Variants in UCKL1 observed in about 807,000 individuals in gnomAD.
UCKL1 encodes the protein uridine-cytidine kinase-like 1.
Under a neutral mutation model 59.2 loss-of-function variants are expected in UCKL1, and 65 were observed. That is an observed-to-expected ratio of 1.10 (90% CI 0.90 to 1.35). The LOEUF (loss-of-function observed/expected upper bound fraction) is 1.35. Ranked by LOEUF, UCKL1 falls within the 40% of genes most tolerant of loss-of-function variation. UCKL1 has a pLI of 0.00. For synonymous variants in UCKL1, 410 were observed against 323.1 expected (o/e 1.27, Z -2.88); for missense variants, 703 against 784.3 (o/e 0.90, Z 1.24).
intron 8 of UCKL1, 121 bp from the exon 9 acceptor site, chr20:63,941,329 C>T (rs2054332719): frequency 1.4e-6 from 2 of 1,409,326 alleles, no homozygotes; most frequent in Non-Finnish European, 1.9e-6. Flanking sequence ...GCACGAGGTG[C>T]AGAGCGGGCC....
At chr20:63,951,360 C>T (rs2057558932) in intron 1 of UCKL1, among the ~76,000 whole-genome samples, 1 of 152,156 alleles carries the variant, frequency 6.6e-6, no homozygotes, top group South Asian at 2.1e-4. Flanking sequence ...CGTGTGCCTG[C>T]ACCCCTCCTG....
Position 63,944,472 on chromosome 20 carries a change from G to C in UCKL1, c.845-14C>G, listed in dbSNP as rs777617211. The C allele has an allele frequency of 3.8e-6, 6 of 1,577,272 alleles. No individual in the cohort carries two copies. Among genetic ancestry groups the C allele is most frequent in the Admixed American group, 3.6e-5 (2 of 55,456 alleles). ...TGTTGCCGCTCCCTGGGGCGGGATG[G>C]GGGGGCGGGTGACCGGGGGCTGGGC... On this transcript the variant is annotated splice_polypyrimidine_tract_variant and intron_variant, in intron 6 of 14. Coordinates refer to ENST00000354216, the MANE Select transcript of UCKL1 (RefSeq NM_017859.4).
intron 8 of UCKL1, chr20:63,941,711 T>TGTCTCTTGGCTGC (rs2054503829): frequency 4.8e-6 from 1 of 209,086 alleles, no homozygotes; most frequent in Admixed American, 5.9e-5. Context: ...CTCTTGGCTG[T>TGTCTCTTGGCTGC]CCCGTCCCGC....
intron 8 of UCKL1, 195 bp from the exon 9 acceptor site, chr20:63,941,403 G>A (rs1209236359): frequency 9.8e-6 from 8 of 814,390 alleles, no homozygotes; most frequent in Non-Finnish European, 1.6e-5. Flanking sequence ...AGGCAAAGGC[G>A]AAAGATGGCG....
At chr20:63,943,056 AC>A (rs1329380318) in intron 8 of UCKL1, among the ~76,000 whole-genome samples, 1 of 151,546 alleles carries the variant, frequency 6.6e-6, no homozygotes, top group Non-Finnish European at 1.5e-5. Flanking sequence ...CTTGTGGCTG[AC>A]CCCCCTGCAT....
At chr20:63,951,034 T>G (rs817313) in intron 1 of UCKL1, 708,853 of 1,237,714 alleles carry the variant, frequency 0.57, 208,792 homozygotes, top group African/African-American at 0.64. Flanking sequence ...CAGAGCCGGG[T>G]GGCTGGGGTG....
chr20:63,941,556 G>C (rs1200317238), intron 8 of UCKL1: 4 of 309,228 alleles, frequency 1.3e-5, no homozygotes, highest in Non-Finnish European at 2.0e-5. Flanking sequence ...GCTGATAGGT[G>C]TCATACCCCA....
chr20:63,941,099 T>C lies in UCKL1; in HGVS notation c.1022+11A>G. The C allele has an allele frequency of 6.3e-7, 1 of 1,599,730 alleles. No individual in the cohort carries two copies. The highest frequency in any genetic ancestry group is 8.5e-7 in the Non-Finnish European group (1 of 1,174,720). On this transcript the variant is annotated intron_variant, in intron 9 of 14. Coordinates refer to ENST00000354216, the MANE Select transcript of UCKL1 (RefSeq NM_017859.4). Reference sequence around the variant, plus strand: ...CGCCCGGGGCCGCCCCGTCCCCAGGTGGGCCCTCACCTGATGATGGTGTGC... The same window carrying C: ...CGCCCGGGGCCGCCCCGTCCCCAGGCGGGCCCTCACCTGATGATGGTGTGC...
In UCKL1 at chr20:63,940,200, G is replaced by A; in HGVS notation, c.1517C>T (p.Thr506Met). The A allele has an allele frequency of 1.2e-6, 2 of 1,612,754 alleles. No homozygotes were observed. Among genetic ancestry groups the A allele is most frequent in the East Asian group, 2.2e-5 (1 of 44,886 alleles). ...GTCATTGACCCGCTTGTCCACCGCC[G>A]TGGTGATGATTCTCACTCGCGGAAA... ...YAFPRVRIIT[T>M]AVDKRVNDLF... is the part of the protein sequence containing the mutation. Residue 506 changes from threonine (T) to methionine (M), a missense_variant, in exon 14 of 15, where the codon ACG becomes ATG. By Grantham distance (81) the Thr-to-Met change is moderately conservative. Transcript: ENST00000354216.
intron 8 of UCKL1, among the ~76,000 whole-genome samples, chr20:63,942,946 T>A (rs2146434254): frequency 6.6e-6 from 1 of 152,264 alleles, no homozygotes; most frequent in Admixed American, 6.5e-5. Context: ...TTCCAACATT[T>A]GGCAAACTCT....
intron 1 of UCKL1, chr20:63,948,523 ACG>A (rs2056853799): frequency 9.1e-6 from 1 of 109,566 alleles, no homozygotes; most frequent in Non-Finnish European, 1.9e-5. Context: ...GAAACGAAGG[ACG>A]CTCACCGCCA....
At chr20:63,948,664 T>TGAGAGGGAGGGGGCGTGTGG (rs2057031447) in intron 1 of UCKL1, among the ~76,000 whole-genome samples, 1 of 72,714 alleles carries the variant, frequency 1.4e-5, no homozygotes, top group African/African-American at 5.6e-5. Context: ...GGGGCGTGTG[T>TGAGAGGGAGGGGGCGTGTGG]GAGAGGGAGG....
In UCKL1 at chr20:63,945,687, C is replaced by T. The variant is rs781568093; in HGVS notation, c.618G>A (p.Glu206=). 6.2e-7 allele frequency: 1 copy of T among 1,613,140 alleles called. No homozygotes were observed. Among genetic ancestry groups the T allele is most frequent in the South Asian group, 1.1e-5 (1 of 91,084 alleles). ...TCTTGTCAGCAAAGGCCATGATGCC[C>T]TCAAAGATGATGACGTTTGCACCAT... The part of the protein sequence containing the change: ...TLYGANVIIF[E]GIMAFADKTL... Residue 206 remains glutamate, a synonymous_variant, in exon 5 of 15, where the codon GAG becomes GAA. Transcript: ENST00000354216.
intron 1 of UCKL1, among the ~76,000 whole-genome samples, chr20:63,949,209 G>A (rs113721452): frequency 2.0e-5 from 3 of 152,192 alleles, no homozygotes; most frequent in Non-Finnish European, 2.9e-5. Flanking sequence ...TCCGGAGATC[G>A]TTCTGGAGCT....
chr20:63,945,455 G>A (rs1327323126), intron 5 of UCKL1, among the ~76,000 whole-genome samples, 196 bp downstream of exon 5: 2 of 152,270 alleles, frequency 1.3e-5, no homozygotes, highest in African/African-American at 4.8e-5. Flanking sequence ...GCCTCAGGCA[G>A]CCACGCTCTG....
chr20:63,951,447 T>G (rs1162481895), intron 1 of UCKL1, among the ~76,000 whole-genome samples: 1 of 152,168 alleles, frequency 6.6e-6, no homozygotes, highest in Admixed American at 6.5e-5. Context: ...GACAAGGATA[T>G]CTGAGGCGCC....
At chr20:63,940,112 T>C (rs769192305) in intron 14 of UCKL1, 38 bp downstream of exon 14, 2 of 1,611,002 alleles carry the variant, frequency 1.2e-6, no homozygotes, top group South Asian at 1.1e-5. Flanking sequence ...CCACCCACCC[T>C]GCCCTCATGT....
Position 63,944,582 on chromosome 20 carries a change from C to T in UCKL1, c.807G>A (p.Gln269=). Residue 269 remains glutamine, a synonymous_variant, in exon 6 of 15, where the codon CAG becomes CAA. Coordinates refer to ENST00000354216, the MANE Select transcript of UCKL1 (RefSeq NM_017859.4). ...FVKPSFDQYI[Q]PTMRLADIVV... ...CGATGTCTGCCAGGCGCATGGTGGG[C>T]TGGATGTACTGGTCGAAGGAGGGCT... 6.2e-7 allele frequency: 1 copy of T among 1,612,762 alleles called. No homozygotes were observed. Among genetic ancestry groups the T allele is most frequent in the Non-Finnish European group, 8.5e-7 (1 of 1,179,762 alleles).
intron 4 of UCKL1, 31 bp downstream of exon 4, chr20:63,945,774 C>A: frequency 6.2e-7 from 1 of 1,612,976 alleles, no homozygotes; most frequent in East Asian, 2.2e-5. Context: ...CTGCAGCCCC[C>A]CGAGGCCCCC....
Sources: gnomAD v4.1 joint callset for allele counts (sites outside exome capture counted in the v4.1 genomes callset) on GRCh38, gnomAD v4.1.1 for gene constraint, MANE v1.5 for transcripts, NCBI Gene and HGNC (gene_info 2026-07-23, HGNC 2026-07-21) for gene names.